Variants in PGGT1B observed in about 807,000 individuals in gnomAD.
PGGT1B encodes geranylgeranyl transferase type-1 subunit beta.
Under a neutral mutation model 46.1 loss-of-function variants are expected in PGGT1B, and 30 were observed. The ratio of observed to expected loss-of-function variants is 0.65; its 90% CI spans 0.49 to 0.88. PGGT1B has a LOEUF of 0.88. Among genes scored for constraint, PGGT1B ranks in the 40% least tolerant of loss-of-function variants. PGGT1B has a pLI of 0.00. For missense variants in PGGT1B, 376 were observed against 455.9 expected (o/e 0.82, Z 1.60); for synonymous variants, 170 against 160.0 (o/e 1.06, Z -0.47).
At position 115,206,742 on chromosome 5, in the gene PGGT1B, T is replaced by A. The variant is rs1415589966; in HGVS notation, c.*5660A>T. ...CATTGCCTATTTGCATGTTTCTTTA[T>A]GCTAAATCTATAGATAGAGAGTATC... On this transcript the variant is annotated 3_prime_UTR_variant, in exon 9 of 9. Transcript: ENST00000419445. 6.6e-6 allele frequency: 1 copy of A among 151,856 alleles called. No individual in the cohort carries two copies. Among genetic ancestry groups the A allele is most frequent in the Non-Finnish European group, 1.5e-5 (1 of 67,910 alleles). 9.4% of individuals were successfully genotyped at this position (151,856 alleles called of 1,614,324 possible). A position where few individuals can be genotyped will look rare whatever the true frequency, so the allele number is the denominator to read the frequency against.
intron 1 of PGGT1B, among the ~76,000 whole-genome samples, chr5:115,261,078 T>C (rs1748536835): frequency 6.6e-6 from 1 of 152,230 alleles, no homozygotes; most frequent in Non-Finnish European, 1.5e-5. Context: ...ATGCACATTA[T>C]GTATCAATAA....
Position 115,235,844 on chromosome 5 carries a change from A to G in PGGT1B, c.612+546T>C, listed in dbSNP as rs1040664231. On this transcript the variant is annotated intron_variant, in intron 5 of 8. Transcript: ENST00000419445. ...CTATGAAAAGTTGAATTAACAGCCT[A>G]AAATATTCTAACAGCCTCAAAATAA... 2.0e-5 allele frequency among the ~76,000 whole-genome samples: 3 copies of G among 152,138 alleles called. No individual in the cohort carries two copies. In the East Asian group the frequency reaches 5.8e-4, roughly 29 times the overall value.
chr5:115,215,406 C>A (rs1260346355), intron 8 of PGGT1B, among the ~76,000 whole-genome samples: 1 of 152,152 alleles, frequency 6.6e-6, no homozygotes, highest in Non-Finnish European at 1.5e-5. Context: ...TCAGGCAATT[C>A]TTCTGCCCCA....
intron 1 of PGGT1B, among the ~76,000 whole-genome samples, chr5:115,260,867 T>A (rs757671952): frequency 5.3e-5 from 8 of 152,232 alleles, no homozygotes; most frequent in African/African-American, 9.6e-5. Flanking sequence ...CACAGTTTAA[T>A]GCCAATGTGC....
At chr5:115,244,309 C>CA (rs1202370086) in intron 2 of PGGT1B, among the ~76,000 whole-genome samples, 23 of 151,158 alleles carry the variant, frequency 1.5e-4, no homozygotes, top group Non-Finnish European at 1.3e-4. Flanking sequence ...ACTAAAAATA[C>CA]AAAAAATTAG....
intron 6 of PGGT1B, among the ~76,000 whole-genome samples, chr5:115,230,148 T>C (rs1165631158): frequency 6.6e-6 from 1 of 152,092 alleles, no homozygotes; most frequent in African/African-American, 2.4e-5. Context: ...CTTTCTACTC[T>C]GTTGATGAGG....
rs1756105893 is a variant in PGGT1B, at chr5:115,207,723, T to C, written c.*4679A>G. On this transcript the variant is annotated 3_prime_UTR_variant, in exon 9 of 9. Transcript: ENST00000419445. ...GGCTTTCTAGATACATATTCATATCTGCAAATAGTTTTACCTCTTCCTTTC... is the reference window on the plus strand; with the variant it reads ...GGCTTTCTAGATACATATTCATATCCGCAAATAGTTTTACCTCTTCCTTTC... The C allele has an allele frequency of 1.3e-5, 2 of 152,114 alleles. No individual in the cohort carries two copies. The highest frequency in any genetic ancestry group is 6.6e-5 in the Admixed American group (1 of 15,234). The allele number at this position is 152,114 out of a possible 1,614,324, so 9.4% of individuals were successfully genotyped here. A position where few individuals can be genotyped will look rare whatever the true frequency, so the allele number is the denominator to read the frequency against.
intron 3 of PGGT1B, among the ~76,000 whole-genome samples, chr5:115,239,172 A>C (rs1453949846): frequency 2.0e-5 from 3 of 152,022 alleles, no homozygotes; most frequent in African/African-American, 7.2e-5. Flanking sequence ...CCTCCCAGGT[A>C]GCCGAGACTA....
chr5:115,220,418 G>C (rs1378399337), intron 7 of PGGT1B, among the ~76,000 whole-genome samples: 1 of 151,834 alleles, frequency 6.6e-6, no homozygotes, highest in East Asian at 1.9e-4. Context: ...TAGTGACAGA[G>C]AGCAGAGGAG....
intron 1 of PGGT1B, among the ~76,000 whole-genome samples, chr5:115,261,742 A>G (rs1344924592): frequency 6.6e-6 from 1 of 152,208 alleles, no homozygotes; most frequent in Non-Finnish European, 1.5e-5. Context: ...TCCCTTTAGG[A>G]AGGGTGTTTA....
At chr5:115,254,323 C>T (rs1748223845) in intron 1 of PGGT1B, among the ~76,000 whole-genome samples, 2 of 151,948 alleles carry the variant, frequency 1.3e-5, no homozygotes, top group South Asian at 2.1e-4. Flanking sequence ...TTTGCATATA[C>T]ATGAGATGAT....
intron 8 of PGGT1B, among the ~76,000 whole-genome samples, chr5:115,214,734 T>A (rs180938557): frequency 6.4e-4 from 97 of 152,312 alleles, no homozygotes; most frequent in Non-Finnish European, 1.2e-3. Context: ...AAAAAGCTAT[T>A]GGAAACACTG....
intron 6 of PGGT1B, among the ~76,000 whole-genome samples, chr5:115,223,013 A>G (rs1460148461): frequency 6.6e-6 from 1 of 152,144 alleles, no homozygotes; most frequent in African/African-American, 2.4e-5. Context: ...GAAATACCTA[A>G]TGTAAATGAT....
intron 7 of PGGT1B, among the ~76,000 whole-genome samples, chr5:115,217,267 ATCAG>A (rs1395646126): frequency 6.6e-6 from 1 of 151,858 alleles, no homozygotes. Context: ...ACTCAACATA[ATCAG>A]TCATTTTAAA....
At chr5:115,222,679 T>A (rs986619056) in intron 6 of PGGT1B, among the ~76,000 whole-genome samples, 5 of 152,232 alleles carry the variant, frequency 3.3e-5, no homozygotes, top group African/African-American at 9.6e-5. Flanking sequence ...TGTACACATA[T>A]GTTTATTGTG....
chr5:115,236,373 T>G lies in PGGT1B; in HGVS notation c.612+17A>C, dbSNP rs754468389. 1.9e-6 allele frequency: 3 copies of G among 1,584,948 alleles called. No homozygotes were observed. The highest frequency in any genetic ancestry group is 8.6e-7 in the Non-Finnish European group (1 of 1,168,316). ...GCAAAAACAACCTAAATAGTCAATT[T>G]TATCAACAGAACTCACCATACTCCT... On this transcript the variant is annotated intron_variant, in intron 5 of 8. Transcript: ENST00000419445.
chr5:115,219,564 A>G (rs1272877815), intron 7 of PGGT1B, among the ~76,000 whole-genome samples: 4 of 151,872 alleles, frequency 2.6e-5, no homozygotes, highest in Non-Finnish European at 5.9e-5. Context: ...CATGACACCA[A>G]TAACACAATC....
chr5:115,232,548 A>T (rs1354115066), intron 5 of PGGT1B, among the ~76,000 whole-genome samples: 11 of 152,104 alleles, frequency 7.2e-5, no homozygotes, highest in Non-Finnish European at 1.5e-4. Context: ...AAAACATCAT[A>T]GTATACTATA....
intron 8 of PGGT1B, among the ~76,000 whole-genome samples, chr5:115,213,458 A>G (rs1457010059): frequency 1.3e-5 from 2 of 152,172 alleles, no homozygotes; most frequent in Non-Finnish European, 2.9e-5. Context: ...GCCGACATTT[A>G]TGGCCTTAAG....
Sources: allele counts gnomAD v4.1 joint callset (sites outside exome capture counted in the v4.1 genomes callset), GRCh38; gene constraint gnomAD v4.1.1; transcripts MANE v1.5; gene names NCBI Gene and HGNC (gene_info 2026-07-23, HGNC 2026-07-21).